COL20A1: variants seen among roughly 807,000 people sequenced by gnomAD.
COL20A1 encodes collagen alpha-1(XX) chain.
COL20A1 carries 164 observed loss-of-function variants against 152.9 expected under a neutral mutation model. The observed-to-expected ratio is 1.07, with a 90% CI of 0.94 to 1.22. The LOEUF (loss-of-function observed/expected upper bound fraction) is 1.22. COL20A1 is among the 50% of genes most tolerant of loss of function. COL20A1 has a pLI of 0.00. For missense variants in COL20A1, 1,873 were observed against 1,744.8 expected, an observed-to-expected ratio of 1.07 and a Z score of -1.31; for synonymous variants, 864 against 756.0, an observed-to-expected ratio of 1.14 and a Z score of -2.34.
intron 28 of COL20A1, 67 bp downstream of exon 28, chr20:63,325,561 G>T: frequency 6.4e-7 from 1 of 1,555,062 alleles, no homozygotes; most frequent in Middle Eastern, 2.2e-4. Context: ...GGATGGAGAT[G>T]GGGAGTGCCT....
chr20:63,312,889 C>G lies in COL20A1; in HGVS notation c.2031C>G (p.Val677=). Residue 677 remains valine, a synonymous_variant, in exon 16 of 36, where the codon GTC becomes GTG. Transcript: ENST00000358894. ...WVAAAPSGVL[V]YQITWTPLGE... ...CCGCAGCCCCGTCTGGCGTGCTTGTCTACCAGATCACGTGGACGCCCCTGG... is the reference window on the plus strand; with the variant it reads ...CCGCAGCCCCGTCTGGCGTGCTTGTGTACCAGATCACGTGGACGCCCCTGG... The G allele has an allele frequency of 6.4e-7, 1 of 1,558,646 alleles. No individual in the cohort carries two copies. Among genetic ancestry groups the G allele is most frequent in the African/African-American group, 1.4e-5 (1 of 73,592 alleles).
At chr20:63,295,915 CTGGGAGGTTCCGGGCTCCCACTGAGCGA>C (rs1371565630) in intron 2 of COL20A1, among the ~76,000 whole-genome samples, 1 of 152,288 alleles carries the variant, frequency 6.6e-6, no homozygotes, top group Non-Finnish European at 1.5e-5. Flanking sequence ...CTGCAAGCTC[CTGGGAGGTTCCGGGCTCCCACTGAGCGA>C]TGGTTTTGTT....
intron 28 of COL20A1, 76 bp from the exon 29 acceptor site, chr20:63,325,592 G>T: frequency 1.3e-6 from 2 of 1,553,344 alleles, no homozygotes; most frequent in Non-Finnish European, 8.8e-7. Flanking sequence ...GGGGTTGGGG[G>T]TGAGGCCTCA....
At chr20:63,326,865 G>A (rs2068257819) in intron 31 of COL20A1, 42 bp downstream of exon 31, 1 of 1,391,412 alleles carries the variant, frequency 7.2e-7, no homozygotes, top group South Asian at 1.5e-5. Flanking sequence ...CAAAGGTGGG[G>A]GAGCGAAGGG....
At chr20:63,326,512 G>C (rs550431296) in intron 30 of COL20A1, among the ~76,000 whole-genome samples, 1 of 151,610 alleles carries the variant, frequency 6.6e-6, no homozygotes, top group Non-Finnish European at 1.5e-5. Flanking sequence ...GCACAGCTGG[G>C]GACGTTTAGA....
Position 63,311,429 on chromosome 20 carries a change from GCAGTGACGCC to G in COL20A1, c.1433_1442del (p.Val478GlufsTer88). ...TCCGCCCCGGGCGCTGACCCTGGCC[GCAGTGACGCC>G]CAGAACCGTCCACCTCACCTGGCAG... On this transcript the variant is annotated frameshift_variant, in exon 12 of 36. Transcript: ENST00000358894. LOFTEE classifies it high-confidence loss of function. This position sits in a 1 kb window ranked among gnomAD's most constrained non-coding sequence, Gnocchi z 4.4. 1 of 1,576,228 alleles carries G rather than the reference GCAGTGACGCC, an allele frequency of 6.3e-7. No homozygotes were observed. Among genetic ancestry groups the G allele is most frequent in the South Asian group, 1.2e-5 (1 of 86,242 alleles).
intron 3 of COL20A1, among the ~76,000 whole-genome samples, chr20:63,303,954 T>A (rs1001260659): frequency 6.9e-6 from 1 of 145,706 alleles, no homozygotes; most frequent in African/African-American, 2.6e-5. Context: ...TGTGCAGGTG[T>A]GGGTTCCTCC....
intron 26 of COL20A1, 102 bp downstream of exon 26, chr20:63,321,201 C>A: frequency 1.4e-6 from 1 of 701,444 alleles, no homozygotes. Context: ...CCGGTCCATG[C>A]CCCCGTCCTG....
chr20:63,308,447 A>G lies in COL20A1; in HGVS notation c.776-95A>G, dbSNP rs924181746. 5.0e-6 allele frequency: 6 copies of G among 1,206,498 alleles called. No individual in the cohort carries two copies. In the African/African-American group the frequency reaches 9.2e-5, roughly 18 times the overall value. 74.7% of individuals were successfully genotyped at this position (1,206,498 alleles called of 1,614,324 possible). On this transcript the variant is annotated intron_variant, in intron 7 of 35. Coordinates refer to ENST00000358894, the MANE Select transcript of COL20A1 (RefSeq NM_020882.4). ...GGGCCTCCTGATACCCCACAAGGGAAGGAGAGGAGCATCTCTGCTGTCCGG... is the reference window on the plus strand; with the variant it reads ...GGGCCTCCTGATACCCCACAAGGGAGGGAGAGGAGCATCTCTGCTGTCCGG...
Position 63,306,309 on chromosome 20 carries a change from G to A in COL20A1, c.496+270G>A, listed in dbSNP as rs1331940682. On this transcript the variant is annotated intron_variant, in intron 5 of 35. Transcript: ENST00000358894. The surrounding 1 kb of genome is among the most constrained non-coding windows in gnomAD (Gnocchi z 6.9). Reference sequence around the variant, plus strand: ...CCACACGGTCTCTGACCACGAGGCCGGGAAGTTCTTCCTCGTGTCTGACCA... The same window carrying A: ...CCACACGGTCTCTGACCACGAGGCCAGGAAGTTCTTCCTCGTGTCTGACCA... Among the ~76,000 whole-genome samples, 295 of 91,784 alleles carry A rather than the reference G, an allele frequency of 3.2e-3. No individual in the cohort carries two copies. Among genetic ancestry groups the A allele is most frequent in the East Asian group, 4.0e-3 (12 of 3,008 alleles). The allele number at this position is 91,784 out of a possible 152,430, so 60.2% of individuals were successfully genotyped here.
rs2067902107 is a variant in COL20A1 at position 63,304,714 on chromosome 20, T to C, written c.194-703T>C. On this transcript the variant is annotated intron_variant, in intron 3 of 35. Transcript: ENST00000358894. Reference sequence around the variant, plus strand: ...TCTTCTCCCTGCAGGTGCGCAGGTGTGGGTTCCTCCCTCCCTCCCTCCCTC... The same window carrying C: ...TCTTCTCCCTGCAGGTGCGCAGGTGCGGGTTCCTCCCTCCCTCCCTCCCTC... Among the ~76,000 whole-genome samples, 5 of 151,790 alleles carry C rather than the reference T, an allele frequency of 3.3e-5. No homozygotes were observed. In the South Asian group the frequency reaches 1.0e-3, roughly 32 times the overall value.
chr20:63,296,252 G>A (rs1179834637), intron 2 of COL20A1, among the ~76,000 whole-genome samples: 1 of 152,276 alleles, frequency 6.6e-6, no homozygotes, highest in East Asian at 1.9e-4. Context: ...GCCAGTGGGG[G>A]CTGAGATTTC....
intron 26 of COL20A1, among the ~76,000 whole-genome samples, chr20:63,321,704 G>A (rs2068165494): frequency 6.6e-6 from 1 of 152,186 alleles, no homozygotes; most frequent in Non-Finnish European, 1.5e-5. Flanking sequence ...TGCCATGGCT[G>A]CAGCTGCCTC....
chr20:63,316,448 A>C, intron 20 of COL20A1, 105 bp from the exon 21 acceptor site: 28 of 344,610 alleles, frequency 8.1e-5, no homozygotes, highest in East Asian at 2.9e-4. Context: ...CTCCCACCGC[A>C]CTGCAGCCCC....
chr20:63,294,147 G>GT (rs2067754108), intron 1 of COL20A1, among the ~76,000 whole-genome samples: 1 of 27,816 alleles, frequency 3.6e-5, no homozygotes, highest in Non-Finnish European at 7.8e-5. Context: ...TGTGAGGGGA[G>GT]GGGGAGTGCG....
At chr20:63,296,451 C>G (rs564599966) in intron 2 of COL20A1, among the ~76,000 whole-genome samples, 1 of 152,364 alleles carries the variant, frequency 6.6e-6, no homozygotes, top group East Asian at 1.9e-4. Context: ...GCTGGGGGCA[C>G]TGAGTCCAGC....
At chr20:63,315,566 T>C in intron 20 of COL20A1, 127 bp downstream of exon 20, 1 of 856,106 alleles carries the variant, frequency 1.2e-6, no homozygotes, top group Non-Finnish European at 1.8e-6. Flanking sequence ...TTGGGCGGGT[T>C]TGTGCCTCCA....
In COL20A1 at chr20:63,309,905, C is replaced by T. The variant is rs775141604; in HGVS notation, c.1253C>T (p.Thr418Ile). ...LIVWRASRGG[T>I]PREVVVEGPA... ...GTTTGGCGAGCCTCTAGAGGTGGCA[C>T]CCCCAGGGAGGTGAGGGGGCCGGTA... Residue 418 changes from threonine (T) to isoleucine (I), a missense_variant, in exon 10 of 36, where the codon ACC (threonine) becomes ATC (isoleucine). Physicochemically the swap from Thr to Ile is moderately conservative, Grantham distance 89. Transcript: ENST00000358894. The T allele has an allele frequency of 5.7e-5, 92 of 1,600,620 alleles. No homozygotes were observed. Among genetic ancestry groups the T allele is most frequent in the Non-Finnish European group, 7.7e-5 (90 of 1,173,966 alleles).
chr20:63,312,438 G>A lies in COL20A1; in HGVS notation c.1822G>A (p.Ala608Thr), dbSNP rs569710367. Residue 608 changes from alanine to threonine, a missense_variant, in exon 15 of 36, where the codon GCC becomes ACC. By Grantham distance (58) the Ala-to-Thr change is moderately conservative (BLOSUM62 0). Transcript: ENST00000358894. The stretch of plus-strand genomic sequence containing the variant: ...GCTGCAGACAGAGGCTCCTGGGAAC[G>A]CCACCTCGGCCACGCTGGGGCCTCT... Reference protein sequence around the residue: ...HSGQTEAPGNATSATLGPLSS... With the variant: ...HSGQTEAPGNTTSATLGPLSS... 4.8e-5 allele frequency: 77 copies of A among 1,597,910 alleles called. No individual in the cohort carries two copies. In the Middle Eastern group the frequency reaches 1.5e-3, roughly 31 times the overall value.
Sources: allele counts gnomAD v4.1 joint callset (sites outside exome capture counted in the v4.1 genomes callset), GRCh38; gene constraint gnomAD v4.1.1; non-coding constraint Gnocchi (gnomAD v3.1); transcripts MANE v1.5; gene names NCBI Gene and HGNC (gene_info 2026-07-23, HGNC 2026-07-21).